The following FHIT variants were observed in gnomAD, a reference collection of about 807,000 sequenced individuals.
The protein encoded by FHIT is fragile histidine triad diadenosine triphosphatase.
A neutral mutation model predicts 17.9 loss-of-function variants in FHIT; 19 were observed. The ratio of observed to expected loss-of-function variants is 1.06; its 90% CI spans 0.74 to 1.56. FHIT has a LOEUF of 1.56. Ranked by LOEUF, FHIT falls within the 40% of genes most tolerant of loss-of-function variation. The pLI, the probability that FHIT is intolerant of heterozygous loss-of-function variation, is 0.00. For missense variants in FHIT, 248 were observed against 189.2 expected (o/e 1.31, Z -1.82); for synonymous variants, 81 against 69.7 (o/e 1.16, Z -0.81).
chr3:61,046,491 A>G (rs980268707), intron 2 of FHIT, among the ~76,000 whole-genome samples: 1 of 152,224 alleles, frequency 6.6e-6, no homozygotes, highest in Admixed American at 6.5e-5. Flanking sequence ...AATTGAGGCA[A>G]TAATTCATAG....
At chr3:60,943,953 C>A (rs969012871) in intron 3 of FHIT, among the ~76,000 whole-genome samples, 3 of 152,170 alleles carry the variant, frequency 2.0e-5, no homozygotes, top group South Asian at 4.1e-4. Flanking sequence ...CCTCTTCAAC[C>A]TCCTCATTTT....
intron 4 of FHIT, among the ~76,000 whole-genome samples, chr3:60,793,696 G>A (rs1218006030): frequency 1.3e-5 from 2 of 152,206 alleles, no homozygotes; most frequent in African/African-American, 4.8e-5. Context: ...AGCCAAGCGA[G>A]GGTGTGATTC....
intron 5 of FHIT, among the ~76,000 whole-genome samples, chr3:60,056,496 G>C (rs778157499): frequency 1.4e-4 from 22 of 152,296 alleles, no homozygotes; most frequent in African/African-American, 4.8e-4. Flanking sequence ...TACAAGTTTA[G>C]ATGTACCCAA....
intron 4 of FHIT, among the ~76,000 whole-genome samples, chr3:60,772,687 G>C (rs1032559026): frequency 1.3e-5 from 2 of 152,062 alleles, no homozygotes; most frequent in African/African-American, 4.8e-5. Flanking sequence ...TGCTGCTAAG[G>C]TACAGACATG....
intron 4 of FHIT, among the ~76,000 whole-genome samples, chr3:60,806,244 C>T (rs1284512894): frequency 6.6e-6 from 1 of 152,142 alleles, no homozygotes; most frequent in African/African-American, 2.4e-5. Flanking sequence ...CATCAGCACC[C>T]CAGGCAGCAG....
At chr3:60,909,986 GATCTAT>G (rs1389022868) in intron 3 of FHIT, among the ~76,000 whole-genome samples, 29 of 152,128 alleles carry the variant, frequency 1.9e-4, no homozygotes, top group African/African-American at 6.3e-4. Context: ...ACCCCTCCTA[GATCTAT>G]AAGAGTAGGT....
intron 7 of FHIT, among the ~76,000 whole-genome samples, chr3:59,975,316 C>T (rs553086587): frequency 6.6e-6 from 1 of 152,148 alleles, no homozygotes; most frequent in Admixed American, 6.6e-5. Context: ...TTATCTTGGG[C>T]AAGTCTCTTA....
Position 60,315,551 on chromosome 3 carries a change from G to A in FHIT, c.103+221309C>T, listed in dbSNP as rs377068708. Among the ~76,000 whole-genome samples the A allele has an allele frequency of 2.7e-3, 406 of 152,256 alleles. 2 individuals are homozygous for A. Among genetic ancestry groups the A allele is most frequent in the Non-Finnish European group, 4.2e-3 (283 of 68,026 alleles). On this transcript the variant is annotated intron_variant, in intron 5 of 9. Transcript: ENST00000492590. ...TCATGTGTAGGAAATCACATAGAAGGTACGCTCTAGCATCCAGCTTCTTCC... is the reference window on the plus strand; with the variant it reads ...TCATGTGTAGGAAATCACATAGAAGATACGCTCTAGCATCCAGCTTCTTCC...
At chr3:60,783,649 A>T (rs560262859) in intron 4 of FHIT, among the ~76,000 whole-genome samples, 1 of 151,982 alleles carries the variant, frequency 6.6e-6, no homozygotes, top group South Asian at 2.1e-4. Context: ...AATCACTTCT[A>T]TAACTAATTG....
intron 4 of FHIT, among the ~76,000 whole-genome samples, chr3:60,648,846 C>A (rs2039925193): frequency 6.6e-6 from 1 of 152,104 alleles, no homozygotes. Context: ...GTTTGTTGAC[C>A]CTCTCTTCAA....
intron 1 of FHIT, among the ~76,000 whole-genome samples, chr3:61,228,258 G>A (rs559721895): frequency 3.3e-5 from 5 of 152,070 alleles, no homozygotes; most frequent in Middle Eastern, 3.4e-3. Flanking sequence ...TAAAATCCCT[G>A]TATGGAAAAT....
At chr3:60,499,963 A>G (rs1393648897) in intron 5 of FHIT, among the ~76,000 whole-genome samples, 10 of 152,332 alleles carry the variant, frequency 6.6e-5, no homozygotes, top group African/African-American at 2.4e-4. Context: ...TTCATCTTTT[A>G]TGGTAAACCT....
intron 7 of FHIT, among the ~76,000 whole-genome samples, chr3:60,000,831 G>A (rs1407849673): frequency 3.3e-5 from 5 of 152,006 alleles, no homozygotes; most frequent in East Asian, 3.9e-4. Context: ...CCAGTGTAAC[G>A]GCTCCCCGCC....
At chr3:61,053,731 G>T (rs1575923767) in intron 2 of FHIT, among the ~76,000 whole-genome samples, 1 of 152,046 alleles carries the variant, frequency 6.6e-6, no homozygotes, top group Admixed American at 6.6e-5. Flanking sequence ...ATATGGCCTT[G>T]GTATGAGTTG....
chr3:60,453,569 G>A (rs138406311), intron 5 of FHIT, among the ~76,000 whole-genome samples: 34 of 152,246 alleles, frequency 2.2e-4, no homozygotes, highest in African/African-American at 7.9e-4. Flanking sequence ...GCAGCTATGG[G>A]TCATGTCTAT....
chr3:60,455,454 A>C (rs2032029112), intron 5 of FHIT, among the ~76,000 whole-genome samples: 2 of 152,178 alleles, frequency 1.3e-5, no homozygotes, highest in African/African-American at 2.4e-5. Context: ...ACGTCTTCAA[A>C]ACCAACCAAA....
chr3:60,555,577 A>G (rs2036713266), intron 4 of FHIT, among the ~76,000 whole-genome samples: 2 of 152,184 alleles, frequency 1.3e-5, no homozygotes, highest in African/African-American at 4.8e-5. Flanking sequence ...TAGAATGACA[A>G]TGGCAGTTTT....
chr3:60,223,673 C>T (rs1704061497), intron 5 of FHIT, among the ~76,000 whole-genome samples: 1 of 152,136 alleles, frequency 6.6e-6, no homozygotes, highest in Admixed American at 6.6e-5. Context: ...TATAGGCTGC[C>T]ATGGGCTTCT....
At chr3:60,763,878 C>T (rs1553720728) in intron 4 of FHIT, among the ~76,000 whole-genome samples, 1 of 152,124 alleles carries the variant, frequency 6.6e-6, no homozygotes, top group East Asian at 1.9e-4. Context: ...TAAAGATATC[C>T]CTTCTGTCAG....
Sources: allele counts gnomAD v4.1 joint callset (sites outside exome capture counted in the v4.1 genomes callset), GRCh38; gene constraint gnomAD v4.1.1; transcripts MANE v1.5; gene names NCBI Gene and HGNC (gene_info 2026-07-23, HGNC 2026-07-21).